The following FADS3 variants were observed in gnomAD, a reference collection of about 807,000 sequenced individuals.
FADS3 encodes cytochrome b5-related protein.
Under a neutral mutation model 60.4 loss-of-function variants are expected in FADS3, and 30 were observed. The ratio of observed to expected loss-of-function variants is 0.50; its 90% CI spans 0.37 to 0.67. The LOEUF (loss-of-function observed/expected upper bound fraction) is 0.67, where lower values mean the gene tolerates loss of function less well. Ranked by LOEUF, FADS3 falls within the 30% of genes least tolerant of loss-of-function variation. FADS3 has a pLI of 0.00. For missense variants in FADS3, 432 were observed against 598.3 expected (o/e 0.72, Z 2.90); for synonymous variants, 234 against 249.3 (o/e 0.94, Z 0.58).
At chr11:61,886,540 A>G (rs1591201060) in intron 1 of FADS3, among the ~76,000 whole-genome samples, 1 of 151,458 alleles carries the variant, frequency 6.6e-6, no homozygotes, top group South Asian at 2.1e-4. Flanking sequence ...CTCTGGAGCC[A>G]CCCCCCAACC....
intron 1 of FADS3, among the ~76,000 whole-genome samples, chr11:61,885,903 AC>A: frequency 1.3e-5 from 2 of 152,234 alleles, no homozygotes; most frequent in East Asian, 3.9e-4. Flanking sequence ...TGCCCAGCAC[AC>A]CATGCTCCGT....
chr11:61,878,445 C>G, intron 5 of FADS3, 67 bp downstream of exon 5: 1 of 1,573,414 alleles, frequency 6.4e-7, no homozygotes, highest in Non-Finnish European at 8.7e-7. Context: ...AGAGTGGGGA[C>G]CCAGTGCATT....
In FADS3 at chr11:61,876,742, C is replaced by A; in HGVS notation, c.983+124G>T. 1.2e-6 allele frequency: 1 copy of A among 857,444 alleles called. No homozygotes were observed. Among genetic ancestry groups the A allele is most frequent in the Non-Finnish European group, 1.9e-6 (1 of 522,448 alleles). 53.1% of individuals were successfully genotyped at this position (857,444 alleles called of 1,614,324 possible). ...CCACGCTTGTGTTTATGTGATTCCA[C>A]CAGCAAGCCAGGGAGGCAGTACCAC... On this transcript the variant is annotated intron_variant, in intron 8 of 11. Transcript: ENST00000278829. This position sits in a 1 kb window ranked among gnomAD's most constrained non-coding sequence, Gnocchi z 5.7.
intron 1 of FADS3, among the ~76,000 whole-genome samples, chr11:61,882,874 T>A (rs1328882625): frequency 6.6e-6 from 1 of 151,982 alleles, no homozygotes; most frequent in Non-Finnish European, 1.5e-5. Context: ...GGATTAGAGG[T>A]GCAAGCCACC....
At position 61,890,117 on chromosome 11, in the gene FADS3, TTC is replaced by T. The variant is rs200023750; in HGVS notation, c.213+1050_213+1051del. 8.6e-3 allele frequency: 783 copies of T among 91,202 alleles called. 6 individuals are homozygous for T. Among genetic ancestry groups the T allele is most frequent in the Middle Eastern group, 0.016 (3 of 188 alleles). The allele number at this position is 91,202 out of a possible 1,614,324, so 5.6% of individuals were successfully genotyped here. On this transcript the variant is annotated intron_variant, in intron 1 of 11. Coordinates refer to ENST00000278829, the MANE Select transcript of FADS3 (RefSeq NM_021727.5). Reference sequence around the variant, plus strand: ...CGCCTGAACAGCCACGGACAAGGCGTTCTCTTTTTTTTTTTTTTCTTTTTTTA... The same window carrying T: ...CGCCTGAACAGCCACGGACAAGGCGTTCTTTTTTTTTTTTTTCTTTTTTTA...
At chr11:61,891,045 G>T in intron 1 of FADS3, 124 bp downstream of exon 1, 1 of 854,174 alleles carries the variant, frequency 1.2e-6, no homozygotes, top group Non-Finnish European at 1.8e-6. Context: ...GTCCCGGCGT[G>T]GAGGTCAAAG....
intron 1 of FADS3, chr11:61,881,248 G>C (rs1259590677): frequency 6.6e-6 from 1 of 152,216 alleles, no homozygotes; most frequent in Non-Finnish European, 1.5e-5. Context: ...TGCAGGAGAA[G>C]GAAGAAAGAG....
intron 11 of FADS3, among the ~76,000 whole-genome samples, chr11:61,874,213 A>T (rs1937785745): frequency 6.6e-6 from 1 of 152,208 alleles, no homozygotes; most frequent in Non-Finnish European, 1.5e-5. Flanking sequence ...AGGACGTGGA[A>T]CCTGCCCACC....
rs764868360 is a variant in FADS3, at chr11:61,875,943, G to A, written c.1194C>T (p.Ser398=). 1.2e-6 allele frequency: 2 copies of A among 1,613,768 alleles called. No individual in the cohort carries two copies. Among genetic ancestry groups the A allele is most frequent in the South Asian group, 2.2e-5 (2 of 91,090 alleles). Residue 398 remains serine, a synonymous_variant, in exon 11 of 12, where the codon AGC becomes AGT. Coordinates refer to ENST00000278829, the MANE Select transcript of FADS3 (RefSeq NM_021727.5). ...GCGACTTGACCAGCGGGGCCACCCG[G>A]CTGTAGTTGTGTCTCGGCATCCTGG... ...LFPRMPRHNY[S]RVAPLVKSLC...
chr11:61,883,122 T>C (rs1190951963), intron 1 of FADS3, among the ~76,000 whole-genome samples: 1 of 152,228 alleles, frequency 6.6e-6, no homozygotes, highest in African/African-American at 2.4e-5. Context: ...GCATGCACAG[T>C]GTTGTCCAAC....
intron 5 of FADS3, 28 bp downstream of exon 5, chr11:61,878,484 G>C (rs748803533): frequency 1.2e-6 from 2 of 1,609,440 alleles, no homozygotes; most frequent in African/African-American, 1.3e-5. Flanking sequence ...GGCCCAGCCA[G>C]AGGTTGTCCA....
intron 6 of FADS3, 120 bp downstream of exon 6, chr11:61,878,035 C>T (rs1937974875): frequency 2.4e-6 from 2 of 846,836 alleles, no homozygotes; most frequent in South Asian, 1.4e-5. Context: ...GATGCCATGA[C>T]CAGGGAGACC....
At position 61,891,364 on chromosome 11, in the gene FADS3, C is replaced by A. The variant is rs1246720475; in HGVS notation, c.18G>T (p.Glu6Asp). 6.8e-7 allele frequency: 1 copy of A among 1,480,868 alleles called. No homozygotes were observed. The highest frequency in any genetic ancestry group is 1.4e-5 in the African/African-American group (1 of 69,120). 91.7% of individuals were successfully genotyped at this position (1,480,868 alleles called of 1,614,324 possible). Residue 6 changes from glutamate to aspartate, a missense_variant, in exon 1 of 12, where the codon GAG becomes GAT. This residue lies in a region of FADS3 where 167 missense variants were observed against 188.8 expected (regional missense o/e 0.88). Transcript: ENST00000278829. ...GCGCGGGTCCCTCCCGCGGTCCCGG[C>A]TCCCCGACGCCGCCCATGCTGCACG... is the stretch of plus-strand genomic sequence containing the variant. MGGVGEPGPREGPAQP... is the reference protein window; with the variant it reads MGGVGDPGPREGPAQP...
Position 61,876,333 on chromosome 11 carries a change from G to T in FADS3, c.1080+26C>A, listed in dbSNP as rs1442627476. The T allele has an allele frequency of 6.4e-7, 1 of 1,567,678 alleles. No individual in the cohort carries two copies. Among genetic ancestry groups the T allele is most frequent in the Non-Finnish European group, 8.8e-7 (1 of 1,141,112 alleles). ...TAGCTGGGACCCCCCACCCCACCCA[G>T]GATGGGCCCCACCCCTGCTGCCCAC... On this transcript the variant is annotated intron_variant, in intron 9 of 11. Transcript: ENST00000278829. The surrounding 1 kb of genome is among the most constrained non-coding windows in gnomAD (Gnocchi z 5.7).
At position 61,875,992 on chromosome 11, in the gene FADS3, G is replaced by A. The variant is rs768893795; in HGVS notation, c.1161-16C>T. ...GGGGAAGAGGCTGGGGGTGGGGAGC[G>A]TATGCTGGCACCTGAAGTGGGAGAT... On this transcript the variant is annotated splice_polypyrimidine_tract_variant and intron_variant, in intron 10 of 11. Transcript: ENST00000278829. 6 of 1,613,272 alleles carry A rather than the reference G, an allele frequency of 3.7e-6. No individual in the cohort carries two copies. Among genetic ancestry groups the A allele is most frequent in the Middle Eastern group, 1.6e-4 (1 of 6,076 alleles).
At chr11:61,884,207 G>A (rs1938231766) in intron 1 of FADS3, among the ~76,000 whole-genome samples, 1 of 152,196 alleles carries the variant, frequency 6.6e-6, no homozygotes, top group Non-Finnish European at 1.5e-5. Context: ...ATTTGACCGA[G>A]GTTAGATCAG....
Position 61,878,164 on chromosome 11 carries a change from A to C in FADS3, c.799T>G (p.Phe267Val). ...ACAGATGGACACTCACTCAGGAAGA[A>C]GTACAGGTGCTGCTGGTTGTAGGGT... is the stretch of plus-strand genomic sequence containing the variant. ...YLPYNQQHLY[F>V]FLIGPPLLTL... Residue 267 changes from phenylalanine to valine, a missense_variant, in exon 6 of 12, where the codon TTC becomes GTC. Physicochemically the swap from Phe to Val is conservative, Grantham distance 50. This residue lies in a region of FADS3 where 116 missense variants were observed against 208.9 expected (regional missense o/e 0.56). Coordinates refer to ENST00000278829, the MANE Select transcript of FADS3 (RefSeq NM_021727.5). 6.2e-7 allele frequency: 1 copy of C among 1,614,086 alleles called. No homozygotes were observed. The highest frequency in any genetic ancestry group is 1.7e-5 in the Admixed American group (1 of 60,026).
Position 61,876,020 on chromosome 11 carries a change from C to T in FADS3, c.1161-44G>A, listed in dbSNP as rs919581195. ...TGCTGGCACCTGAAGTGGGAGATTCCAGAGAGAGGCCCCACCCACGGGTCC... is the reference window on the plus strand; with the variant it reads ...TGCTGGCACCTGAAGTGGGAGATTCTAGAGAGAGGCCCCACCCACGGGTCC... On this transcript the variant is annotated intron_variant, in intron 10 of 11. Coordinates refer to ENST00000278829, the MANE Select transcript of FADS3 (RefSeq NM_021727.5). This position sits in a 1 kb window ranked among gnomAD's most constrained non-coding sequence, Gnocchi z 5.7. 1.6e-5 allele frequency: 25 copies of T among 1,612,290 alleles called. No homozygotes were observed. The highest frequency in any genetic ancestry group is 1.9e-5 in the Non-Finnish European group (22 of 1,179,440).
At position 61,891,312 on chromosome 11, in the gene FADS3, A is replaced by G; in HGVS notation, c.70T>C (p.Cys24Arg). 1 of 1,526,796 alleles carries G rather than the reference A, an allele frequency of 6.5e-7. No homozygotes were observed. Among genetic ancestry groups the G allele is most frequent in the Middle Eastern group, 2.1e-4 (1 of 4,688 alleles). 94.6% of individuals were successfully genotyped at this position (1,526,796 alleles called of 1,614,324 possible). A position where few individuals can be genotyped will look rare whatever the true frequency, so the allele number is the denominator to read the frequency against. Residue 24 changes from cysteine to arginine, a missense_variant, in exon 1 of 12, where the codon TGC (cysteine) becomes CGC (arginine). Physicochemically the swap from Cys to Arg is radical, Grantham distance 180. This residue lies in a region of FADS3 where 167 missense variants were observed against 188.8 expected (regional missense o/e 0.88). Transcript: ENST00000278829. ...AQPGAPLPTF[C>R]WEQIRAHDQP... Reference sequence around the variant, plus strand: ...TCGTGCGCGCGGATCTGCTCCCAGCAGAAGGTGGGCAGCGGCGCCCCCGGC... The same window carrying G: ...TCGTGCGCGCGGATCTGCTCCCAGCGGAAGGTGGGCAGCGGCGCCCCCGGC...
Sources: gnomAD v4.1 joint callset for allele counts (sites outside exome capture counted in the v4.1 genomes callset) on GRCh38, gnomAD v4.1.1 for gene constraint, gnomAD v4.1.1 regional missense constraint, Gnocchi (gnomAD v3.1) non-coding constraint, MANE v1.5 for transcripts, NCBI Gene and HGNC (gene_info 2026-07-23, HGNC 2026-07-21) for gene names.